FHIT: variants seen among roughly 807,000 people sequenced by gnomAD.
FHIT encodes fragile histidine triad diadenosine triphosphatase.
In FHIT, 19 loss-of-function variants were observed where a neutral mutation model predicts 17.9. The observed-to-expected ratio is 1.06, with a 90% CI of 0.74 to 1.56. The LOEUF is 1.56. Ranked by LOEUF, FHIT falls within the 40% of genes most tolerant of loss-of-function variation. The pLI, the probability that FHIT is intolerant of heterozygous loss-of-function variation, is 0.00. For synonymous variants in FHIT, 81 were observed against 69.7 expected (o/e 1.16, Z -0.81); for missense variants, 248 against 189.2 (o/e 1.31, Z -1.82).
chr3:60,453,719 T>C (rs917465405), intron 5 of FHIT, among the ~76,000 whole-genome samples: 9 of 152,160 alleles, frequency 5.9e-5, no homozygotes, highest in African/African-American at 2.2e-4. Flanking sequence ...GAGGTTCAAA[T>C]GAGATGACGA....
intron 5 of FHIT, among the ~76,000 whole-genome samples, chr3:60,380,206 G>A (rs1042493467): frequency 6.6e-6 from 1 of 151,924 alleles, no homozygotes; most frequent in Non-Finnish European, 1.5e-5. Flanking sequence ...GAATAGCTTG[G>A]AGCCCTCCCC....
rs74470429 is a variant in FHIT, at chr3:61,199,997, T to G, written c.-164+620A>C. ...AGCAAAGAGGAAACAATTACATTTT[T>G]CCATGTAAAAACCAACTTGATTGTA... On this transcript the variant is annotated intron_variant, in intron 2 of 9. Transcript: ENST00000492590. 9.2e-3 allele frequency among the ~76,000 whole-genome samples: 1,398 copies of G among 152,302 alleles called. 26 individuals are homozygous for G. The highest frequency in any genetic ancestry group is 0.032 in the African/African-American group (1,338 of 41,562).
At chr3:60,030,307 G>T (rs937892331) in intron 5 of FHIT, among the ~76,000 whole-genome samples, 1 of 152,170 alleles carries the variant, frequency 6.6e-6, no homozygotes, top group African/African-American at 2.4e-5. Flanking sequence ...ACAGAATGCA[G>T]CTATAGCTGT....
At chr3:60,767,813 C>A (rs542828065) in intron 4 of FHIT, among the ~76,000 whole-genome samples, 91 of 152,294 alleles carry the variant, frequency 6.0e-4, no homozygotes, top group Middle Eastern at 3.4e-3. Context: ...GATAGGACAC[C>A]AGGTGACTGT....
At chr3:60,497,893 AC>A (rs1208679762) in intron 5 of FHIT, among the ~76,000 whole-genome samples, 1 of 152,176 alleles carries the variant, frequency 6.6e-6, no homozygotes, top group African/African-American at 2.4e-5. Context: ...TTTGAGATCA[AC>A]CAGTGCATAA....
intron 1 of FHIT, among the ~76,000 whole-genome samples, chr3:61,228,894 A>G (rs1486998320): frequency 6.6e-6 from 1 of 152,220 alleles, no homozygotes; most frequent in Non-Finnish European, 1.5e-5. Context: ...CACTTCCTCT[A>G]TACAAGGTAC....
chr3:61,157,251 T>C (rs2037558963), intron 2 of FHIT, among the ~76,000 whole-genome samples: 2 of 152,138 alleles, frequency 1.3e-5, no homozygotes, highest in African/African-American at 4.8e-5. Context: ...AAGTAGATTA[T>C]TTTTTTCATG....
At chr3:60,285,375 T>G (rs1469755549) in intron 5 of FHIT, among the ~76,000 whole-genome samples, 1 of 152,170 alleles carries the variant, frequency 6.6e-6, no homozygotes, top group African/African-American at 2.4e-5. Flanking sequence ...TCCAGTGGTC[T>G]GCCAGCCACC....
At chr3:61,206,682 T>G (rs1168236349) in intron 1 of FHIT, among the ~76,000 whole-genome samples, 2 of 151,880 alleles carry the variant, frequency 1.3e-5, no homozygotes, top group Admixed American at 1.3e-4. Flanking sequence ...TCCTGAGACT[T>G]TCCTGAAGTT....
chr3:60,008,588 A>G (rs983683901), intron 7 of FHIT, among the ~76,000 whole-genome samples: 3 of 152,186 alleles, frequency 2.0e-5, no homozygotes, highest in African/African-American at 7.2e-5. Flanking sequence ...GCTTATTGCT[A>G]TTACCACTCA....
chr3:60,378,313 C>T (rs11130770), intron 5 of FHIT, among the ~76,000 whole-genome samples: 10,798 of 152,110 alleles, frequency 0.071, 845 homozygotes, highest in East Asian at 0.21. Flanking sequence ...CCATAGTTTC[C>T]ACACAAACAG....
chr3:60,870,650 C>T lies in FHIT; in HGVS notation c.-110-48639G>A, dbSNP rs1184151894. 3.3e-5 allele frequency among the ~76,000 whole-genome samples: 5 copies of T among 152,288 alleles called. No individual in the cohort carries two copies. The East Asian group carries it at 7.7e-4, about 24-fold the overall frequency. The stretch of plus-strand genomic sequence containing the variant: ...CACTCAATTCCTTTTGTTCTCTTCT[C>T]TTGCTAAACACACAACTATCTGATG... On this transcript the variant is annotated intron_variant, in intron 3 of 9. Transcript: ENST00000492590.
At chr3:60,672,456 G>A (rs1553694188) in intron 4 of FHIT, among the ~76,000 whole-genome samples, 1 of 152,124 alleles carries the variant, frequency 6.6e-6, no homozygotes, top group African/African-American at 2.4e-5. Flanking sequence ...GCTAGGAAAA[G>A]GACTTTCACA....
intron 5 of FHIT, among the ~76,000 whole-genome samples, chr3:60,305,128 G>A (rs991313988): frequency 1.3e-5 from 2 of 151,284 alleles, no homozygotes; most frequent in Admixed American, 6.6e-5. Flanking sequence ...ATTCCTTTTT[G>A]TTCTTTTTTT....
intron 5 of FHIT, among the ~76,000 whole-genome samples, chr3:60,487,458 G>A (rs145845504): frequency 6.6e-6 from 1 of 152,166 alleles, no homozygotes; most frequent in Non-Finnish European, 1.5e-5. Flanking sequence ...CAACAATTGA[G>A]AGACTTCTAC....
chr3:60,078,238 A>G (rs2736769), intron 5 of FHIT, among the ~76,000 whole-genome samples: 109,042 of 151,904 alleles, frequency 0.72, 40,259 homozygotes, highest in African/African-American at 0.8. Context: ...CAATTTTCCA[A>G]TGGAGAAACC....
intron 8 of FHIT, among the ~76,000 whole-genome samples, chr3:59,810,180 G>A (rs922008480): frequency 4.6e-5 from 7 of 152,120 alleles, no homozygotes; most frequent in African/African-American, 7.2e-5. Context: ...GAAAGCCATC[G>A]TCATTTGTGT....
intron 5 of FHIT, among the ~76,000 whole-genome samples, chr3:60,429,928 C>T (rs1702812895): frequency 6.6e-6 from 1 of 151,980 alleles, no homozygotes; most frequent in Non-Finnish European, 1.5e-5. Flanking sequence ...TCCCTGCCTT[C>T]ACTGTTGGAC....
chr3:60,674,774 T>G (rs1577056661), intron 4 of FHIT, among the ~76,000 whole-genome samples: 1 of 152,304 alleles, frequency 6.6e-6, no homozygotes, highest in East Asian at 1.9e-4. Flanking sequence ...GTGTCTTTGT[T>G]CGGCTCTTGG....
Sources: allele counts gnomAD v4.1 joint callset (sites outside exome capture counted in the v4.1 genomes callset), GRCh38; gene constraint gnomAD v4.1.1; transcripts MANE v1.5; gene names NCBI Gene and HGNC (gene_info 2026-07-23, HGNC 2026-07-21).